The following AOPEP variants were observed in gnomAD, a reference collection of about 807,000 sequenced individuals.
AOPEP encodes the protein aminopeptidase O (putative), also known as aminopeptidase O.
A neutral mutation model predicts 98.1 loss-of-function variants in AOPEP; 77 were observed. The ratio of observed to expected loss-of-function variants is 0.78; its 90% CI spans 0.65 to 0.95. AOPEP has a LOEUF of 0.95. Among genes scored for constraint, AOPEP ranks in the 40% least tolerant of loss-of-function variants. AOPEP has a pLI of 0.00. For missense variants in AOPEP, 1,024 were observed against 1,024.7 expected (o/e 1.00, Z 0.01); for synonymous variants, 346 against 365.3 (o/e 0.95, Z 0.60).
intron 13 of AOPEP, among the ~76,000 whole-genome samples, chr9:95,051,146 A>G (rs1165362398): frequency 7.7e-5 from 11 of 142,482 alleles, no homozygotes; most frequent in African/African-American, 1.8e-4. Context: ...CTGAAGTGCA[A>G]TGGCGTGATC....
intron 5 of AOPEP, among the ~76,000 whole-genome samples, chr9:94,829,951 G>T (rs1380093680): frequency 6.6e-6 from 1 of 152,148 alleles, no homozygotes; most frequent in Non-Finnish European, 1.5e-5. Flanking sequence ...TGATCTAAGG[G>T]TTCATGTGTG....
At chr9:94,815,056 T>C (rs1851405650) in intron 5 of AOPEP, among the ~76,000 whole-genome samples, 1 of 152,190 alleles carries the variant, frequency 6.6e-6, no homozygotes, top group South Asian at 2.1e-4. Flanking sequence ...GAGCATAAAT[T>C]GCTTTGCCAG....
the AOPEP span, among the ~76,000 whole-genome samples, chr9:95,096,679 G>T: frequency 6.6e-6 from 1 of 151,974 alleles, no homozygotes; most frequent in Non-Finnish European, 1.5e-5. Context: ...ATGTGAGCTG[G>T]GAGGAGGTCG....
At chr9:94,835,292 TTGACTC>T (rs2041451461) in intron 5 of AOPEP, among the ~76,000 whole-genome samples, 1 of 152,152 alleles carries the variant, frequency 6.6e-6, no homozygotes, top group South Asian at 2.1e-4. Flanking sequence ...AATGAGTACT[TTGACTC>T]TGTACTAAGG....
At chr9:95,059,669 G>A (rs1275718629) in intron 13 of AOPEP, among the ~76,000 whole-genome samples, 2 of 152,154 alleles carry the variant, frequency 1.3e-5, no homozygotes, top group East Asian at 3.9e-4. Flanking sequence ...TTAAAATCCA[G>A]GTGTTCTTAT....
intron 5 of AOPEP, among the ~76,000 whole-genome samples, chr9:94,832,569 T>A (rs1856225726): frequency 6.6e-6 from 1 of 152,180 alleles, no homozygotes. Context: ...AATATGCACA[T>A]ATACACACAG....
chr9:94,773,774 G>C (rs1264738310), intron 3 of AOPEP, among the ~76,000 whole-genome samples: 2 of 152,126 alleles, frequency 1.3e-5, no homozygotes, highest in African/African-American at 4.8e-5. Flanking sequence ...GAAAAAATTT[G>C]TTTATTTGAG....
In AOPEP at chr9:95,082,645, G is replaced by A. The variant is rs1312402335; in HGVS notation, c.2390G>A (p.Arg797Lys). 7 of 1,614,136 alleles carry A rather than the reference G, an allele frequency of 4.3e-6. No homozygotes were observed. The highest frequency in any genetic ancestry group is 3.4e-6 in the Non-Finnish European group (4 of 1,180,058). Residue 797 changes from arginine to lysine, a missense_variant, in exon 16 of 17, where the codon AGG (arginine) becomes AAG (lysine). Physicochemically the swap from Arg to Lys is conservative, Grantham distance 26. This residue lies in a region of AOPEP where 566 missense variants were observed against 551.7 expected (regional missense o/e 1.03). Coordinates refer to ENST00000375315, the MANE Select transcript of AOPEP (RefSeq NM_001193329.3). ...GCCAGACAGCAGCAGCTCGCCCGTA[G>A]GTGCTTCGAGCGGACCAAGGAGCAG... ...EDARQQQLAR[R>K]CFERTKEQMD...
chr9:94,736,947 T>A (rs2131827506), intron 1 of AOPEP, among the ~76,000 whole-genome samples: 1 of 152,264 alleles, frequency 6.6e-6, no homozygotes, highest in East Asian at 1.9e-4. Context: ...GTTGTTCAGT[T>A]GTTAAAGAGA....
chr9:94,928,426 T>C lies in AOPEP; in HGVS notation c.1556T>C (p.Leu519Pro). ...GTCTGTGTGTCTGTGGCTGAGCAGC[T>C]GGCCCCCTATGAGGCCCGGGAGCAG... ...EDVFWATAQQLAPYEAREQQE... is the reference protein window; with the variant it reads ...EDVFWATAQQPAPYEAREQQE... The change falls in exon 7 of 17, where the codon CTG (leucine) becomes CCG (proline). Residue 519 changes from leucine to proline, a missense_variant and splice_region_variant. Coordinates refer to ENST00000375315, the MANE Select transcript of AOPEP (RefSeq NM_001193329.3). 3 of 1,546,490 alleles carry C rather than the reference T, an allele frequency of 1.9e-6. No individual in the cohort carries two copies. Among genetic ancestry groups the C allele is most frequent in the Non-Finnish European group, 2.6e-6 (3 of 1,146,322 alleles).
intron 16 of AOPEP, among the ~76,000 whole-genome samples, chr9:95,084,685 G>A (rs2070382970): frequency 6.6e-6 from 1 of 152,184 alleles, no homozygotes; most frequent in Non-Finnish European, 1.5e-5. Flanking sequence ...GGCAGGCAAA[G>A]GAGTCATCTT....
chr9:95,119,962 T>C, the AOPEP span, among the ~76,000 whole-genome samples: 2 of 151,518 alleles, frequency 1.3e-5, no homozygotes, highest in Admixed American at 1.3e-4. Flanking sequence ...TCCTCCTGCC[T>C]TGGGGCTCCC....
At chr9:94,902,989 T>C (rs2050616997) in intron 5 of AOPEP, among the ~76,000 whole-genome samples, 1 of 40,422 alleles carries the variant, frequency 2.5e-5, no homozygotes, top group East Asian at 4.4e-4. Context: ...GAAAGATTTT[T>C]TTTTTTTTGA....
At chr9:95,064,479 C>T (rs2067663503) in intron 14 of AOPEP, among the ~76,000 whole-genome samples, 2 of 152,134 alleles carry the variant, frequency 1.3e-5, no homozygotes, top group African/African-American at 2.4e-5. Flanking sequence ...TTAATAGAGA[C>T]GGGGTTTCAC....
At chr9:95,107,653 A>C in the AOPEP span, 6 of 368,616 alleles carry the variant, frequency 1.6e-5, no homozygotes, top group Admixed American at 4.1e-5. Flanking sequence ...ACGCAGTCAG[A>C]CCTCCGCCGA....
rs549377552 is a variant in AOPEP at position 94,820,834 on chromosome 9, C to G, written c.1364+19832C>G. On this transcript the variant is annotated intron_variant, in intron 5 of 16. Coordinates refer to ENST00000375315, the MANE Select transcript of AOPEP (RefSeq NM_001193329.3). The stretch of plus-strand genomic sequence containing the variant: ...ACTGATATTTAGAGAAACCTACATG[C>G]CATAGCAGGGATGGAGATAAGAAAA... Among the ~76,000 whole-genome samples, 15 of 152,286 alleles carry G rather than the reference C, an allele frequency of 9.8e-5. No individual in the cohort carries two copies. The East Asian group carries it at 2.5e-3, about 25-fold the overall frequency.
chr9:94,845,456 G>A (rs920406358), intron 5 of AOPEP, among the ~76,000 whole-genome samples: 14 of 152,200 alleles, frequency 9.2e-5, no homozygotes, highest in South Asian at 8.3e-4. Context: ...TAAGTAAGGA[G>A]TAACACGATT....
At chr9:94,867,261 A>G (rs2045806964) in intron 5 of AOPEP, among the ~76,000 whole-genome samples, 1 of 152,238 alleles carries the variant, frequency 6.6e-6, no homozygotes, top group South Asian at 2.1e-4. Context: ...GTAAAATCAC[A>G]GAAGATTTGC....
chr9:94,872,649 T>TA (rs1217953095), intron 5 of AOPEP, among the ~76,000 whole-genome samples: 1 of 152,228 alleles, frequency 6.6e-6, no homozygotes, highest in Non-Finnish European at 1.5e-5. Context: ...GGCAATAACT[T>TA]ACTCGGTGAG....
Sources: allele counts gnomAD v4.1 joint callset (sites outside exome capture counted in the v4.1 genomes callset), GRCh38; gene constraint gnomAD v4.1.1; regional missense constraint gnomAD v4.1.1; transcripts MANE v1.5; gene names NCBI Gene and HGNC (gene_info 2026-07-23, HGNC 2026-07-21).